INPP5A: variants seen among roughly 807,000 people sequenced by gnomAD.
INPP5A encodes the protein inositol polyphosphate-5-phosphatase A.
In INPP5A, 14 loss-of-function variants were observed where a neutral mutation model predicts 65.2. The observed-to-expected ratio is 0.21, with a 90% confidence interval of 0.14 to 0.34. The LOEUF is 0.34. Among genes scored for constraint, INPP5A ranks in the 10% least tolerant of loss-of-function variants. The pLI, the probability that INPP5A is intolerant of heterozygous loss-of-function variation, is 1.00. For synonymous variants in INPP5A, 207 were observed against 208.3 expected (o/e 0.99, Z 0.05); for missense variants, 431 against 545.6 (o/e 0.79, Z 2.09).
At chr10:132,720,056 G>C (rs1845836316) in intron 8 of INPP5A, among the ~76,000 whole-genome samples, 2 of 150,832 alleles carry the variant, frequency 1.3e-5, no homozygotes, top group South Asian at 4.2e-4. Flanking sequence ...TGGGTTCTGT[G>C]GTACCTGGGT....
chr10:132,567,017 A>C (rs1353282480), intron 1 of INPP5A, among the ~76,000 whole-genome samples: 1 of 152,216 alleles, frequency 6.6e-6, no homozygotes, highest in Non-Finnish European at 1.5e-5. Flanking sequence ...GGCACAGGGT[A>C]TTAGTCCGGC....
At chr10:132,552,731 G>C (rs1464573583) in intron 1 of INPP5A, among the ~76,000 whole-genome samples, 3 of 144,850 alleles carry the variant, frequency 2.1e-5, no homozygotes, top group African/African-American at 5.2e-5. Flanking sequence ...TATTGGGTAG[G>C]ATAGGGAGGG....
rs113347975 is a variant in INPP5A at position 132,576,254 on chromosome 10, G to A, written c.76-31661G>A. ...TGGGAGGTGCTGGTGTGCCCCTCCT[G>A]CCCCCAGGACAGCACTTCTCTGTCT... On this transcript the variant is annotated intron_variant, in intron 1 of 15. Transcript: ENST00000368594. Among the ~76,000 whole-genome samples, 1,242 of 152,336 alleles carry A rather than the reference G, an allele frequency of 8.2e-3. 15 individuals are homozygous for A. Among genetic ancestry groups the A allele is most frequent in the African/African-American group, 0.029 (1,190 of 41,572 alleles).
intron 12 of INPP5A, among the ~76,000 whole-genome samples, chr10:132,771,380 C>G (rs375568782): frequency 6.6e-6 from 1 of 152,262 alleles, no homozygotes; most frequent in Admixed American, 6.5e-5. Context: ...CCAGCACGGC[C>G]CGGCCTCTGC....
chr10:132,762,343 T>C lies in INPP5A; in HGVS notation c.904-3430T>C, dbSNP rs1363613699. Among the ~76,000 whole-genome samples the C allele has an allele frequency of 7.2e-5, 11 of 152,198 alleles. No individual in the cohort carries two copies. The highest frequency in any genetic ancestry group is 1.6e-4 in the Non-Finnish European group (11 of 68,042). ...CGGAACATCAAAGACGAAGAGAATA[T>C]TTTTGAAGCATTGTGGGAAAAATGT... On this transcript the variant is annotated intron_variant, in intron 11 of 15. Transcript: ENST00000368594. The surrounding 1 kb of genome is among the most constrained non-coding windows in gnomAD (Gnocchi z 4.6).
At chr10:132,598,985 G>A (rs1027389610) in intron 1 of INPP5A, among the ~76,000 whole-genome samples, 5 of 152,112 alleles carry the variant, frequency 3.3e-5, no homozygotes, top group Admixed American at 2.0e-4. Context: ...CCTCCCCCTG[G>A]GTTCTTCCCA....
intron 1 of INPP5A, among the ~76,000 whole-genome samples, chr10:132,602,225 TA>T (rs2071785091): frequency 6.6e-6 from 1 of 152,248 alleles, no homozygotes; most frequent in Non-Finnish European, 1.5e-5. Flanking sequence ...AATGGGATTT[TA>T]AAACATTTTC....
intron 2 of INPP5A, among the ~76,000 whole-genome samples, chr10:132,622,377 C>T (rs1399548115): frequency 2.1e-5 from 2 of 95,146 alleles, no homozygotes; most frequent in African/African-American, 4.4e-5. Context: ...ATACCGCGTT[C>T]GTGGATTGGA....
At position 132,673,235 on chromosome 10, in the gene INPP5A, G is replaced by A. The variant is rs564792929; in HGVS notation, c.307-17157G>A. ...TTCAGTGGGATTGCTGTTTGGTCTC[G>A]CGGTGGCAGCATTCTTCCCTCTGGA... On this transcript the variant is annotated intron_variant, in intron 4 of 15. Transcript: ENST00000368594. Among the ~76,000 whole-genome samples the A allele has an allele frequency of 1.9e-4, 29 of 152,274 alleles. 1 individual carries two copies. In the South Asian group the frequency reaches 4.6e-3, roughly 24 times the overall value.
At chr10:132,681,797 AAGC>A (rs2073049467) in intron 4 of INPP5A, among the ~76,000 whole-genome samples, 3 of 152,274 alleles carry the variant, frequency 2.0e-5, no homozygotes, top group Admixed American at 6.5e-5. Context: ...CCTATAATCA[AAGC>A]AGTATTATTC....
chr10:132,596,932 CACGCATGTGT>C (rs60677454), intron 1 of INPP5A, among the ~76,000 whole-genome samples: 82,625 of 128,946 alleles, frequency 0.64, 22,718 homozygotes, highest in Admixed American at 0.7. Flanking sequence ...CGCGCATGTG[CACGCATGTGT>C]GCGTGTGTGC....
intron 8 of INPP5A, among the ~76,000 whole-genome samples, chr10:132,712,603 GGTGT>G (rs1222286172): frequency 1.4e-5 from 2 of 147,960 alleles, no homozygotes; most frequent in Non-Finnish European, 3.0e-5. Context: ...TGTGTGCGCG[GGTGT>G]GTGGGTGCAT....
At chr10:132,763,249 A>C (rs1846765720) in intron 11 of INPP5A, among the ~76,000 whole-genome samples, 1 of 152,218 alleles carries the variant, frequency 6.6e-6, no homozygotes. Flanking sequence ...CCTTAGGGAA[A>C]TCTGGGCTCC....
At chr10:132,719,532 C>A (rs1268789083) in intron 8 of INPP5A, among the ~76,000 whole-genome samples, 16 of 107,964 alleles carry the variant, frequency 1.5e-4, no homozygotes, top group South Asian at 3.3e-4. Flanking sequence ...GGCTGTCTTG[C>A]GGGTTCTGTG....
rs2073001954 is a variant in INPP5A at position 132,678,574 on chromosome 10, T to C, written c.307-11818T>C. ...TCCAGCGGTCCTGAGCTGCTGCTGCTCAGCCGGGCGCCCAGAGGGTGTGGT... is the reference window on the plus strand; with the variant it reads ...TCCAGCGGTCCTGAGCTGCTGCTGCCCAGCCGGGCGCCCAGAGGGTGTGGT... On this transcript the variant is annotated intron_variant, in intron 4 of 15. Transcript: ENST00000368594. This position sits in a 1 kb window ranked among gnomAD's most constrained non-coding sequence, Gnocchi z 4.1. Among the ~76,000 whole-genome samples, 2 of 152,172 alleles carry C rather than the reference T, an allele frequency of 1.3e-5. 1 individual carries two copies. The highest frequency in any genetic ancestry group is 4.2e-4 in the South Asian group (2 of 4,816).
intron 2 of INPP5A, among the ~76,000 whole-genome samples, chr10:132,609,621 C>T (rs543865066): frequency 6.6e-6 from 1 of 152,156 alleles, no homozygotes; most frequent in Non-Finnish European, 1.5e-5. Flanking sequence ...TTTTTGAAAA[C>T]TGTCTGCTGC....
intron 6 of INPP5A, among the ~76,000 whole-genome samples, chr10:132,699,765 C>T (rs1198422807): frequency 6.6e-6 from 1 of 152,194 alleles, no homozygotes; most frequent in Non-Finnish European, 1.5e-5. Context: ...CTGACCCCTC[C>T]GTCTCTCAGC....
intron 4 of INPP5A, 76 bp from the exon 5 acceptor site, chr10:132,690,316 C>A: frequency 1.0e-6 from 1 of 997,112 alleles, no homozygotes; most frequent in Non-Finnish European, 1.6e-6. Flanking sequence ...AAAAGAGCTT[C>A]TTTTATTGTT....
chr10:132,660,389 T>C (rs142534974), intron 4 of INPP5A, among the ~76,000 whole-genome samples: 57 of 152,332 alleles, frequency 3.7e-4, no homozygotes, highest in African/African-American at 1.3e-3. Context: ...ACTGTTTTCA[T>C]AGTGTGCCTT....
Sources: allele counts gnomAD v4.1 joint callset (sites outside exome capture counted in the v4.1 genomes callset), GRCh38; gene constraint gnomAD v4.1.1; non-coding constraint Gnocchi (gnomAD v3.1); transcripts MANE v1.5; gene names NCBI Gene and HGNC (gene_info 2026-07-23, HGNC 2026-07-21).